The following DUSP11 variants were observed in gnomAD, a reference collection of about 807,000 sequenced individuals.
DUSP11 encodes RNA/RNP complex-1-interacting phosphatase.
In DUSP11, 27 loss-of-function variants were observed where a neutral mutation model predicts 41.4. That is an observed-to-expected ratio of 0.65 (90% CI 0.48 to 0.90). The LOEUF is 0.90. Ranked by LOEUF, DUSP11 falls within the 40% of genes least tolerant of loss-of-function variation. DUSP11 has a pLI of 0.00. For synonymous variants in DUSP11, 188 were observed against 159.3 expected, an observed-to-expected ratio of 1.18 and a Z score of -1.35; for missense variants, 465 against 461.1, an observed-to-expected ratio of 1.01 and a Z score of -0.08.
At chr2:73,762,672 A>C (rs757184899) in exon 9 of DUSP11, 4 of 1,611,994 alleles carry the variant, frequency 2.5e-6, no homozygotes, top group Non-Finnish European at 1.7e-6. Context: ...CACTGGGTCC[A>C]TTCCCAACAG....
chr2:73,768,807 T>C (rs990082091), intron 5 of DUSP11: 10 of 320,106 alleles, frequency 3.1e-5, no homozygotes, highest in Non-Finnish European at 3.6e-5. Context: ...ATACAAAAAA[T>C]TAGCCGGGCG....
chr2:73,775,857 A>C (rs1446311850), intron 2 of DUSP11, among the ~76,000 whole-genome samples: 4 of 64,664 alleles, frequency 6.2e-5, no homozygotes, highest in African/African-American at 1.8e-4. Flanking sequence ...ATCTCAAAAA[A>C]AAAATTTAAA....
chr2:73,774,857 A>G (rs184881742), intron 3 of DUSP11, 56 bp downstream of exon 3: 36 of 1,404,514 alleles, frequency 2.6e-5, no homozygotes, highest in Admixed American at 4.7e-5. Flanking sequence ...GAATTACTAT[A>G]AATTATTTTA....
chr2:73,766,657 CTA>C, intron 7 of DUSP11, 63 bp from the exon 8 acceptor site: 1 of 1,515,648 alleles, frequency 6.6e-7, no homozygotes, highest in South Asian at 1.2e-5. Flanking sequence ...AATTTAGTGA[CTA>C]TATTTTGGCA....
At chr2:73,775,761 G>A (rs996898239) in intron 2 of DUSP11, among the ~76,000 whole-genome samples, 5 of 149,472 alleles carry the variant, frequency 3.3e-5, no homozygotes, top group Non-Finnish European at 7.4e-5. Flanking sequence ...GGCTGAGGCA[G>A]GAGAATGGCG....
At chr2:73,773,000 G>A (rs1309384376) in intron 4 of DUSP11, among the ~76,000 whole-genome samples, 2 of 152,118 alleles carry the variant, frequency 1.3e-5, no homozygotes, top group Non-Finnish European at 2.9e-5. Flanking sequence ...CTGTCCTGTG[G>A]GTGTCAGTGG....
chr2:73,778,220 T>C, intron 2 of DUSP11, 81 bp downstream of exon 2: 2 of 902,326 alleles, frequency 2.2e-6, no homozygotes, highest in Non-Finnish European at 3.3e-6. Flanking sequence ...AAAGAGAAAA[T>C]GGAATGTGAT....
At chr2:73,774,578 T>C (rs931632864) in intron 3 of DUSP11, among the ~76,000 whole-genome samples, 8 of 152,248 alleles carry the variant, frequency 5.3e-5, no homozygotes, top group African/African-American at 1.9e-4. Context: ...TTTAGTCTGC[T>C]TTCTGTCTCT....
chr2:73,762,832 G>A, exon 9 of DUSP11: 1 of 1,600,790 alleles, frequency 6.2e-7, no homozygotes, highest in Non-Finnish European at 8.5e-7. Flanking sequence ...GGTGTCTCTG[G>A]TAAACATGTG....
intron 4 of DUSP11, 47 bp from the exon 5 acceptor site, chr2:73,769,372 G>A: frequency 7.6e-7 from 1 of 1,320,770 alleles, no homozygotes; most frequent in East Asian, 2.3e-5. Context: ...AGATACACAA[G>A]TATATAACAT....
At chr2:73,770,772 T>G (rs1044472440) in intron 4 of DUSP11, among the ~76,000 whole-genome samples, 1 of 152,192 alleles carries the variant, frequency 6.6e-6, no homozygotes, top group African/African-American at 2.4e-5. Context: ...AAGTCCACAA[T>G]GATCCTAACT....
At chr2:73,766,178 G>A (rs961357804) in intron 8 of DUSP11, among the ~76,000 whole-genome samples, 20 of 151,942 alleles carry the variant, frequency 1.3e-4, no homozygotes, top group Admixed American at 7.2e-4. Context: ...GCATGGTGGC[G>A]GGTGCCTGTA....
At chr2:73,763,698 G>A (rs528652812) in intron 8 of DUSP11, among the ~76,000 whole-genome samples, 50 of 152,110 alleles carry the variant, frequency 3.3e-4, no homozygotes, top group Non-Finnish European at 6.0e-4. Context: ...ACTCCAGCCC[G>A]GGCAACAAGA....
intron 1 of DUSP11, among the ~76,000 whole-genome samples, chr2:73,778,724 T>C (rs926540834): frequency 6.6e-6 from 1 of 152,202 alleles, no homozygotes; most frequent in Non-Finnish European, 1.5e-5. Context: ...ATAATTTAAA[T>C]TCAATTATTT....
exon 9 of DUSP11, chr2:73,762,732 C>A: frequency 6.2e-7 from 1 of 1,613,792 alleles, no homozygotes; most frequent in Non-Finnish European, 8.5e-7. Context: ...CTTCTTCTAT[C>A]CTGGGCTGCC....
intron 5 of DUSP11, chr2:73,768,666 A>G (rs1672516004): frequency 2.0e-6 from 2 of 985,254 alleles, no homozygotes; most frequent in African/African-American, 1.7e-5. Flanking sequence ...TAAAAAGAAT[A>G]AGGAGTCTGG....
At chr2:73,767,061 G>T in intron 6 of DUSP11, 100 bp downstream of exon 6, 1 of 1,345,436 alleles carries the variant, frequency 7.4e-7, no homozygotes, top group Non-Finnish European at 1.1e-6. Context: ...TGGAACAAAC[G>T]AATTACAAAC....
At chr2:73,770,267 C>T (rs961306482) in intron 4 of DUSP11, among the ~76,000 whole-genome samples, 9 of 151,736 alleles carry the variant, frequency 5.9e-5, no homozygotes, top group African/African-American at 2.2e-4. Context: ...GTAATCCCAG[C>T]CCTTTGGGAG....
intron 4 of DUSP11, among the ~76,000 whole-genome samples, chr2:73,770,915 C>T (rs1390479569): frequency 6.6e-6 from 1 of 152,164 alleles, no homozygotes; most frequent in African/African-American, 2.4e-5. Flanking sequence ...CTCAAACATG[C>T]CTAGCATAGT....
Sources: gnomAD v4.1 joint callset for allele counts (sites outside exome capture counted in the v4.1 genomes callset) on GRCh38, gnomAD v4.1.1 for gene constraint, MANE v1.5 for transcripts, NCBI Gene and HGNC (gene_info 2026-07-23, HGNC 2026-07-21) for gene names.